Variants in ZNF346 observed in about 807,000 individuals in gnomAD.
ZNF346 encodes the protein double-stranded RNA-binding zinc finger protein JAZ.
A neutral mutation model predicts 33.7 loss-of-function variants in ZNF346; 23 were observed. That is an observed-to-expected ratio of 0.68 (90% CI 0.49 to 0.97). The LOEUF (loss-of-function observed/expected upper bound fraction) is 0.97, where lower values mean the gene tolerates loss of function less well. Among genes scored for constraint, ZNF346 ranks in the 50% least tolerant of loss-of-function variants. ZNF346 has a pLI of 0.00. For missense variants in ZNF346, 340 were observed against 371.1 expected (o/e 0.92, Z 0.69); for synonymous variants, 134 against 142.4 (o/e 0.94, Z 0.42).
At chr5:177,036,435 C>A (rs187537387) in intron 1 of ZNF346, among the ~76,000 whole-genome samples, 1 of 152,270 alleles carries the variant, frequency 6.6e-6, no homozygotes, top group Non-Finnish European at 1.5e-5. Context: ...AGCCTATAAG[C>A]CCTTGATTTT....
At chr5:177,062,540 TA>T (rs1782678087) in intron 6 of ZNF346, among the ~76,000 whole-genome samples, 1 of 152,168 alleles carries the variant, frequency 6.6e-6, no homozygotes, top group African/African-American at 2.4e-5. Flanking sequence ...TCTCATTCCT[TA>T]ATCAAATATA....
At position 177,024,396 on chromosome 5, in the gene ZNF346, C is replaced by T. The variant is rs146897928; in HGVS notation, c.175+1483C>T. Among the ~76,000 whole-genome samples, 942 of 152,082 alleles carry T rather than the reference C, an allele frequency of 6.2e-3. 8 individuals carry two copies. The highest frequency in any genetic ancestry group is 0.022 in the African/African-American group (894 of 41,488). ...TATTTTTAGTAGAGATGGGGTTTCA[C>T]CATGTTGGCCAGGCTGTTCTCGAAC... is the stretch of plus-strand genomic sequence containing the variant. On this transcript the variant is annotated intron_variant, in intron 1 of 6. Transcript: ENST00000358149.
At chr5:177,072,932 C>T (rs915613538), downstream of ZNF346, among the ~76,000 whole-genome samples, 2 of 152,232 alleles carry the variant, frequency 1.3e-5, no homozygotes, top group Non-Finnish European at 2.9e-5. Context: ...GTTTCTATAA[C>T]TTGCAACCAA....
intron 5 of ZNF346, among the ~76,000 whole-genome samples, chr5:177,058,975 TC>T (rs1259080356): frequency 1.3e-5 from 2 of 152,226 alleles, no homozygotes; most frequent in African/African-American, 2.4e-5. Context: ...CCTCAAGTGA[TC>T]CACCCGCCTC....
rs553944195 is a variant in ZNF346, at chr5:177,066,788, G to A, written c.*2189G>A. 6.6e-5 allele frequency among the ~76,000 whole-genome samples: 10 copies of A among 152,014 alleles called. No homozygotes were observed. The East Asian group carries it at 1.7e-3, about 27-fold the overall frequency. ...AAAATAAATTTGAAGGCTGGGCGCC[G>A]TGGCTCACGCCTGTAATCCAAGCAC... On this transcript the variant is annotated 3_prime_UTR_variant, in exon 7 of 7. Transcript: ENST00000358149.
chr5:177,028,586 G>A (rs1351550694), intron 1 of ZNF346, among the ~76,000 whole-genome samples: 7 of 142,296 alleles, frequency 4.9e-5, no homozygotes, highest in African/African-American at 1.8e-4. Context: ...GACTAAAGCA[G>A]TAAGAGTATC....
Position 177,066,807 on chromosome 5 carries a change from C to T in ZNF346, c.*2208C>T, listed in dbSNP as rs1358373302. Among the ~76,000 whole-genome samples, 2 of 151,634 alleles carry T rather than the reference C, an allele frequency of 1.3e-5. No homozygotes were observed. The highest frequency in any genetic ancestry group is 6.6e-5 in the Admixed American group (1 of 15,222). ...GGCGCCGTGGCTCACGCCTGTAATC[C>T]AAGCACTTTGAGAGGCCAAGGCAGG... On this transcript the variant is annotated 3_prime_UTR_variant, in exon 7 of 7. Transcript: ENST00000358149.
chr5:177,025,713 A>G (rs796213337), intron 1 of ZNF346, among the ~76,000 whole-genome samples: 6 of 152,212 alleles, frequency 3.9e-5, no homozygotes, highest in African/African-American at 1.4e-4. Context: ...CCTATTTTGT[A>G]ATTGGGCTGT....
Position 177,066,466 on chromosome 5 carries a change from G to T in ZNF346, c.*1867G>T, listed in dbSNP as rs1489883265. ...CAAATGAGGTGTATGAGGAGAGATG[G>T]TTTTCTCCTGCTCAGCTCTTACACA... On this transcript the variant is annotated 3_prime_UTR_variant, in exon 7 of 7. Coordinates refer to ENST00000358149, the MANE Select transcript of ZNF346 (RefSeq NM_012279.4). 6.6e-6 allele frequency among the ~76,000 whole-genome samples: 1 copy of T among 152,204 alleles called. No homozygotes were observed. Among genetic ancestry groups the T allele is most frequent in the East Asian group, 1.9e-4 (1 of 5,158 alleles).
chr5:177,045,551 T>C (rs535060841), intron 4 of ZNF346, among the ~76,000 whole-genome samples: 5 of 152,174 alleles, frequency 3.3e-5, no homozygotes, highest in African/African-American at 7.2e-5. Flanking sequence ...AGAAACGGGG[T>C]TTCACTGTGT....
At chr5:177,037,150 A>C (rs1023078189) in intron 1 of ZNF346, among the ~76,000 whole-genome samples, 2 of 151,988 alleles carry the variant, frequency 1.3e-5, no homozygotes, top group South Asian at 4.2e-4. Context: ...TCTGCAGGAG[A>C]TCTCCTCACT....
In ZNF346 at chr5:177,066,954, T is replaced by C. The variant is rs251847; in HGVS notation, c.*2355T>C. Among the ~76,000 whole-genome samples the C allele has an allele frequency of 1, 152,284 of 152,292 alleles. 76,138 individuals carry two copies. The highest frequency in any genetic ancestry group is 1 in the Middle Eastern group (294 of 294). ...GCACACATCTGTAGTCCCAGCTACT[T>C]GGGAGGCTGAGGCAAGAGAATTGCT... On this transcript the variant is annotated 3_prime_UTR_variant, in exon 7 of 7. Coordinates refer to ENST00000358149, the MANE Select transcript of ZNF346 (RefSeq NM_012279.4).
At chr5:177,053,345 C>A (rs1781229677) in intron 5 of ZNF346, among the ~76,000 whole-genome samples, 1 of 145,882 alleles carries the variant, frequency 6.9e-6, no homozygotes. Context: ...AAAACAGGGT[C>A]TCTGTATGTT....
intron 4 of ZNF346, among the ~76,000 whole-genome samples, chr5:177,046,588 A>G (rs1780077208): frequency 6.6e-6 from 1 of 152,226 alleles, no homozygotes; most frequent in Non-Finnish European, 1.5e-5. Flanking sequence ...TTTTTAATGT[A>G]AAGTAATATA....
intron 1 of ZNF346, among the ~76,000 whole-genome samples, chr5:177,037,734 A>G (rs1002921243): frequency 6.6e-6 from 1 of 152,082 alleles, no homozygotes; most frequent in African/African-American, 2.4e-5. Flanking sequence ...TTCTGCTTCC[A>G]TTCTTGTCCC....
chr5:177,022,747 T>A lies in ZNF346; in HGVS notation c.9T>A (p.Tyr3Ter). 1 of 1,554,064 alleles carries A rather than the reference T, an allele frequency of 6.4e-7. No individual in the cohort carries two copies. The highest frequency in any genetic ancestry group is 1.7e-4 in the Middle Eastern group (1 of 5,840). ...GAGGGTTTGCGGGGAAGATGGAGTA[T>A]CCCGCGCCGGCCACGGTGCAGGCCG... is the stretch of plus-strand genomic sequence containing the variant. ME[Y>*]PAPATVQAAD... is the part of the protein sequence containing the mutation. Residue 3 changes from tyrosine to a stop codon, truncating the protein, a stop_gained, in exon 1 of 7, where the codon TAT (tyrosine) becomes TAA (stop). Transcript: ENST00000358149. LOFTEE classifies it high-confidence loss of function.
chr5:177,027,080 A>T (rs58400555), intron 1 of ZNF346, among the ~76,000 whole-genome samples: 87,508 of 151,304 alleles, frequency 0.58, 27,001 homozygotes, highest in African/African-American at 0.81. Flanking sequence ...TCAGACAGAG[A>T]CTCACTCTTC....
At chr5:177,057,785 G>A (rs1781913347) in intron 5 of ZNF346, among the ~76,000 whole-genome samples, 1 of 145,814 alleles carries the variant, frequency 6.9e-6, no homozygotes, top group East Asian at 2.0e-4. Flanking sequence ...TCACTCTGAG[G>A]TCATAGATTT....
In ZNF346 at chr5:177,077,445, C is replaced by T. The variant is rs1216769950; in HGVS notation, c.*3-1937C>T. 3.9e-5 allele frequency among the ~76,000 whole-genome samples: 6 copies of T among 152,162 alleles called. No individual in the cohort carries two copies. The highest frequency in any genetic ancestry group is 1.9e-4 in the East Asian group (1 of 5,198). ...GAATGGCTTCAGGCAAGGCTTGATC[C>T]GGGTGCACTCCAGCTCTTGGCCCTC... On this transcript the variant is annotated intron_variant, in intron 8 of 8. Transcript: ENST00000503039. This position sits in a 1 kb window ranked among gnomAD's most constrained non-coding sequence, Gnocchi z 5.0.
Sources: allele counts gnomAD v4.1 joint callset (sites outside exome capture counted in the v4.1 genomes callset), GRCh38; gene constraint gnomAD v4.1.1; non-coding constraint Gnocchi (gnomAD v3.1); transcripts MANE v1.5; gene names NCBI Gene and HGNC (gene_info 2026-07-23, HGNC 2026-07-21).